The following NOL8 variants were observed in gnomAD, a reference collection of about 807,000 sequenced individuals.
The protein encoded by NOL8 is nucleolar protein 8, also known as nucleolar protein Nop132.
In NOL8, 93 loss-of-function variants were observed where a neutral mutation model predicts 116.1. The ratio of observed to expected loss-of-function variants is 0.80; its 90% CI spans 0.68 to 0.95. The LOEUF is 0.95. Ranked by LOEUF, NOL8 falls within the 40% of genes least tolerant of loss-of-function variation. The pLI, the probability that NOL8 is intolerant of heterozygous loss-of-function variation, is 0.00. For synonymous variants in NOL8, 419 were observed against 469.0 expected (o/e 0.89, Z 1.38); for missense variants, 1,291 against 1,382.8 (o/e 0.93, Z 1.05).
chr9:92,316,640 T>C (rs898648652), intron 6 of NOL8, among the ~76,000 whole-genome samples: 9 of 152,108 alleles, frequency 5.9e-5, no homozygotes, highest in African/African-American at 2.2e-4. Flanking sequence ...GAACTCACTC[T>C]CTGCAACATT....
At chr9:92,300,241 A>G (rs1837621117) in intron 13 of NOL8, 3 of 1,169,864 alleles carry the variant, frequency 2.6e-6, no homozygotes, top group Non-Finnish European at 3.2e-6. Flanking sequence ...GAATGATCTG[A>G]TAAGGACAGC....
chr9:92,305,807 G>A lies in NOL8; in HGVS notation c.2849C>T (p.Thr950Met), dbSNP rs1460054026. The change falls in exon 12 of 17, where the codon ACG becomes ATG. Residue 950 changes from threonine (T) to methionine (M), a missense_variant. Coordinates refer to ENST00000442668, the MANE Select transcript of NOL8 (RefSeq NM_017948.6). Reference sequence around the variant, plus strand: ...TTCGTAAGTGGCATGGTCTTGCTTCGTTGGATCATAATGTATGATGTCCCT... The same window carrying A: ...TTCGTAAGTGGCATGGTCTTGCTTCATTGGATCATAATGTATGATGTCCCT... ...KFKDIIHYDP[T>M]KQDHATYERK... 2.0e-5 allele frequency: 32 copies of A among 1,612,284 alleles called. No homozygotes were observed. The highest frequency in any genetic ancestry group is 8.8e-5 in the South Asian group (8 of 91,028).
intron 16 of NOL8, among the ~76,000 whole-genome samples, 173 bp downstream of exon 16, chr9:92,298,084 T>G (rs997659325): frequency 6.6e-6 from 1 of 152,232 alleles, no homozygotes; most frequent in African/African-American, 2.4e-5. Context: ...TCTTTAAAAA[T>G]CTGATGCTTT....
chr9:92,299,763 A>C, intron 14 of NOL8, 127 bp downstream of exon 14: 1 of 1,048,514 alleles, frequency 9.5e-7, no homozygotes, highest in Non-Finnish European at 1.4e-6. Context: ...AAAAAAAAAA[A>C]TAAAATAAAA....
At chr9:92,310,516 C>T in intron 9 of NOL8, 37 bp downstream of exon 9, 14 of 1,566,342 alleles carry the variant, frequency 8.9e-6, no homozygotes, top group Non-Finnish European at 1.1e-5. Context: ...AAAATAAGGA[C>T]ATGCTGCAAG....
intron 10 of NOL8, among the ~76,000 whole-genome samples, chr9:92,307,395 C>T (rs545175270): frequency 3.0e-4 from 45 of 151,860 alleles, no homozygotes; most frequent in Non-Finnish European, 8.8e-5. Flanking sequence ...ATCTAAATTA[C>T]GTAAATCTAA....
At chr9:92,307,052 C>G (rs1244831662) in intron 10 of NOL8, 28 bp from the exon 11 acceptor site, 2 of 1,593,146 alleles carry the variant, frequency 1.3e-6, no homozygotes, top group Non-Finnish European at 1.7e-6. Flanking sequence ...AATTAATACT[C>G]TCTTGGAAAA....
At chr9:92,320,671 A>G (rs928395695) in intron 4 of NOL8, among the ~76,000 whole-genome samples, 4 of 151,926 alleles carry the variant, frequency 2.6e-5, no homozygotes, top group African/African-American at 9.7e-5. Context: ...CAATGGCACA[A>G]TGTAGGCTCA....
chr9:92,298,676 C>G (rs767088482), intron 15 of NOL8: 2 of 473,938 alleles, frequency 4.2e-6, no homozygotes, highest in Admixed American at 7.9e-5. Context: ...ACAAAACAAC[C>G]CTTTGTTGAT....
intron 12 of NOL8, 122 bp downstream of exon 12, chr9:92,305,631 C>A: frequency 2.8e-6 from 2 of 724,628 alleles, no homozygotes; most frequent in East Asian, 2.7e-5. Context: ...ACTACCCCTA[C>A]CCCACCAATC....
chr9:92,314,742 G>C lies in NOL8; in HGVS notation c.1883C>G (p.Thr628Ser), dbSNP rs1839206679. The C allele has an allele frequency of 6.2e-7, 1 of 1,613,870 alleles. No individual in the cohort carries two copies. The highest frequency in any genetic ancestry group is 8.5e-7 in the Non-Finnish European group (1 of 1,179,880). The change falls in exon 7 of 17, where the codon ACT (threonine) becomes AGT (serine). Residue 628 changes from threonine to serine, a missense_variant. Transcript: ENST00000442668. The part of the protein sequence containing the change: ...PYVNGSLGEV[T>S]PCQHAKKANG... ...CGCCTTCTTTGCATGTTGGCATGGA[G>C]TCACTTCACCTAATGAGCCATTAAC...
rs200378965 is a variant in NOL8, at chr9:92,315,231, A to G, written c.1394T>C (p.Leu465Ser). The change falls in exon 7 of 17, where the codon TTA (leucine) becomes TCA (serine). Residue 465 changes from leucine to serine, a missense_variant. Coordinates refer to ENST00000442668, the MANE Select transcript of NOL8 (RefSeq NM_017948.6). ...CTCCTCACCTCCTTCAGAGTCAGCT[A>G]ATTCTGATGCAGAATCAGCATCTTC... ...SSEDADSASE[L>S]ADSEGGEEYN... 521 of 1,613,600 alleles carry G rather than the reference A, an allele frequency of 3.2e-4. 2 individuals carry two copies. In the African/African-American group the frequency reaches 6.0e-3, roughly 19 times the overall value.
At chr9:92,303,558 C>T (rs1178931403) in intron 12 of NOL8, among the ~76,000 whole-genome samples, 1 of 152,174 alleles carries the variant, frequency 6.6e-6, no homozygotes, top group Non-Finnish European at 1.5e-5. Context: ...TATCTATTTA[C>T]TATCTTGCCT....
At chr9:92,313,165 T>C (rs1839006010) in intron 7 of NOL8, among the ~76,000 whole-genome samples, 1 of 152,130 alleles carries the variant, frequency 6.6e-6, no homozygotes, top group Non-Finnish European at 1.5e-5. Flanking sequence ...CCTATCCAGT[T>C]ATCACCAAGT....
rs199633476 is a variant in NOL8, at chr9:92,306,981, T to A, written c.2730A>T (p.Glu910Asp). Residue 910 changes from glutamate (E) to aspartate (D), a missense_variant, in exon 11 of 17, where the codon GAA (glutamate) becomes GAT (aspartate). Physicochemically the swap from Glu to Asp is conservative, Grantham distance 45. Transcript: ENST00000442668. ...KKTAEEEELA[E>D]EKKKALNVVQ... Reference sequence around the variant, plus strand: ...CAACATTCAGGGCTTTCTTTTTTTCTTCAGCAAGCTCTTCTTCCTCAGCAG... The same window carrying A: ...CAACATTCAGGGCTTTCTTTTTTTCATCAGCAAGCTCTTCTTCCTCAGCAG... The A allele has an allele frequency of 7.3e-5, 117 of 1,612,952 alleles. No homozygotes were observed. Among genetic ancestry groups the A allele is most frequent in the Non-Finnish European group, 6.4e-5 (76 of 1,179,738 alleles).
chr9:92,299,894 G>A lies in NOL8; in HGVS notation c.3298C>T (p.Pro1100Ser). ...GCAAAGAAACAAATTGTTTACCCAG[G>A]ACTGGAGTTTCTGTGATCTGTTTCT... ...TEETDHRNSS[P>S]GEASLLEKET... is the part of the protein sequence containing the mutation. The change falls in exon 14 of 17, where the codon CCT becomes TCT. Residue 1100 changes from proline (P) to serine (S), a missense_variant. Pro to Ser is a moderately conservative substitution (Grantham distance 74, BLOSUM62 -1). Transcript: ENST00000442668. 6.2e-7 allele frequency: 1 copy of A among 1,613,228 alleles called. No individual in the cohort carries two copies. The highest frequency in any genetic ancestry group is 8.5e-7 in the Non-Finnish European group (1 of 1,179,424).
At chr9:92,310,435 A>T (rs1354446777) in intron 9 of NOL8, 118 bp downstream of exon 9, 1 of 1,295,712 alleles carries the variant, frequency 7.7e-7, no homozygotes, top group Admixed American at 2.0e-5. Flanking sequence ...TCACTCTCCA[A>T]ATAAACACCC....
chr9:92,312,446 TAAAAAAAAAAAA>T (rs34116665), intron 7 of NOL8, among the ~76,000 whole-genome samples: 18 of 57,562 alleles, frequency 3.1e-4, no homozygotes, highest in African/African-American at 1.0e-3. Context: ...TGAGACCCTG[TAAAAAAAAAAAA>T]AAAAAAAAAA....
chr9:92,321,705 A>G lies in NOL8; in HGVS notation c.244T>C (p.Leu82=). ...LNKTKWKGGT[L]QIQLAKESFL... The stretch of plus-strand genomic sequence containing the variant: ...CTTTCTTTTGCTAGTTGAATTTGTA[A>G]TGTTCCACCTTTCCATTTTGTTTTA... The change falls in exon 4 of 17, where the codon TTA becomes CTA. Residue 82 remains leucine, a synonymous_variant. Coordinates refer to ENST00000442668, the MANE Select transcript of NOL8 (RefSeq NM_017948.6). 6.5e-7 allele frequency: 1 copy of G among 1,534,808 alleles called. No homozygotes were observed. Among genetic ancestry groups the G allele is most frequent in the South Asian group, 1.3e-5 (1 of 79,728 alleles).
Sources: allele counts gnomAD v4.1 joint callset (sites outside exome capture counted in the v4.1 genomes callset), GRCh38; gene constraint gnomAD v4.1.1; transcripts MANE v1.5; gene names NCBI Gene and HGNC (gene_info 2026-07-23, HGNC 2026-07-21).